The following KPNA5 variants were observed in gnomAD, a reference collection of about 807,000 sequenced individuals.
KPNA5 encodes the protein importin subunit alpha-6.
Under a neutral mutation model 71.3 loss-of-function variants are expected in KPNA5, and 46 were observed. The ratio of observed to expected loss-of-function variants is 0.65; its 90% CI spans 0.51 to 0.83. The LOEUF is 0.83. KPNA5 is among the 40% of genes least tolerant of loss of function. The probability of loss-of-function intolerance (pLI) is 0.00; values close to 1 mark genes in which losing one functional copy is unlikely to be tolerated. For synonymous variants in KPNA5, 207 were observed against 201.4 expected (o/e 1.03, Z -0.24); for missense variants, 547 against 628.3 (o/e 0.87, Z 1.38).
rs965039142 is a variant in KPNA5, at chr6:116,736,468, CT to C, written c.*4151del. 6.6e-6 allele frequency: 1 copy of C among 151,904 alleles called. No individual in the cohort carries two copies. The highest frequency in any genetic ancestry group is 1.9e-4 in the East Asian group (1 of 5,192). The allele number at this position is 151,904 out of a possible 1,614,324, so 9.4% of individuals were successfully genotyped here. On this transcript the variant is annotated 3_prime_UTR_variant, in exon 14 of 14. Transcript: ENST00000368564. Reference sequence around the variant, plus strand: ...TGCCATCACCATAAGCAAAAGTTCACTTTTTTACTGGCACTAGCCATATTTC... The same window carrying C: ...TGCCATCACCATAAGCAAAAGTTCACTTTTTACTGGCACTAGCCATATTTC...
intron 1 of KPNA5, among the ~76,000 whole-genome samples, chr6:116,687,946 T>C (rs938930173): frequency 6.6e-5 from 10 of 152,196 alleles, no homozygotes; most frequent in Non-Finnish European, 1.2e-4. Flanking sequence ...ACAGCTGCAT[T>C]ATAGGAACCA....
At chr6:116,724,254 A>T (rs1207538003) in intron 9 of KPNA5, 43 bp from the exon 10 acceptor site, 1 of 1,340,782 alleles carries the variant, frequency 7.5e-7, no homozygotes, top group Non-Finnish European at 1.1e-6. Flanking sequence ...TGTAAATTTT[A>T]AATTCTTACT....
chr6:116,709,802 G>A (rs545261187), intron 7 of KPNA5, among the ~76,000 whole-genome samples: 132 of 149,772 alleles, frequency 8.8e-4, no homozygotes, highest in African/African-American at 2.0e-3. Flanking sequence ...GTCATGCTCT[G>A]TCGCCAGGCT....
chr6:116,689,695 G>T (rs1777720439), intron 2 of KPNA5, among the ~76,000 whole-genome samples: 1 of 152,080 alleles, frequency 6.6e-6, no homozygotes, highest in Non-Finnish European at 1.5e-5. Flanking sequence ...TTACCCTACT[G>T]CTAGGAAATT....
At chr6:116,709,820 A>G (rs1203939058) in intron 7 of KPNA5, among the ~76,000 whole-genome samples, 1 of 150,722 alleles carries the variant, frequency 6.6e-6, no homozygotes, top group Non-Finnish European at 1.5e-5. Flanking sequence ...GCTTGAGTAC[A>G]GTGGCATGAT....
intron 1 of KPNA5, among the ~76,000 whole-genome samples, chr6:116,684,268 C>G (rs1288392087): frequency 1.3e-5 from 2 of 152,056 alleles, no homozygotes; most frequent in Admixed American, 1.3e-4. Flanking sequence ...ATTGCTGAAT[C>G]TATTAAATAT....
intron 4 of KPNA5, among the ~76,000 whole-genome samples, chr6:116,695,122 T>A (rs1417197564): frequency 6.6e-6 from 1 of 152,080 alleles, no homozygotes; most frequent in Admixed American, 6.6e-5. Flanking sequence ...AGCTAATTTT[T>A]AGTAGAGTCA....
At chr6:116,725,346 A>G (rs908964940) in intron 10 of KPNA5, among the ~76,000 whole-genome samples, 1 of 152,226 alleles carries the variant, frequency 6.6e-6, no homozygotes, top group South Asian at 2.1e-4. Flanking sequence ...TTGATTCTAC[A>G]TGCTGTTTTT....
chr6:116,728,122 G>A (rs558229509), intron 12 of KPNA5, among the ~76,000 whole-genome samples: 94 of 151,466 alleles, frequency 6.2e-4, no homozygotes, highest in Non-Finnish European at 2.5e-4. Context: ...CTATCTCTTT[G>A]CTTTCATCAG....
intron 7 of KPNA5, among the ~76,000 whole-genome samples, chr6:116,710,288 C>T (rs745691233): frequency 2.6e-5 from 4 of 151,632 alleles, no homozygotes; most frequent in Admixed American, 6.6e-5. Context: ...ATGTATATTC[C>T]GAAGAAATAT....
rs148243844 is a variant in KPNA5, at chr6:116,716,737, A to G, written c.756+419A>G. ...TTGCCTCTAGAAATACAGATGATTAATTAATTCCCAGTTTAGTTGTATTGT... is the reference window on the plus strand; with the variant it reads ...TTGCCTCTAGAAATACAGATGATTAGTTAATTCCCAGTTTAGTTGTATTGT... On this transcript the variant is annotated intron_variant, in intron 8 of 13. Transcript: ENST00000368564. Among the ~76,000 whole-genome samples, 345 of 152,312 alleles carry G rather than the reference A, an allele frequency of 2.3e-3. 2 individuals are homozygous for G. Among genetic ancestry groups the G allele is most frequent in the African/African-American group, 7.8e-3 (324 of 41,580 alleles).
Position 116,689,336 on chromosome 6 carries a change from A to G in KPNA5, c.21A>G (p.Pro7=), listed in dbSNP as rs145225593. 5.0e-4 allele frequency: 810 copies of G among 1,604,020 alleles called. 4 individuals are homozygous for G. Among genetic ancestry groups the G allele is most frequent in the Middle Eastern group, 5.0e-4 (3 of 6,034 alleles). The change falls in exon 2 of 14, where the codon CCA becomes CCG. Residue 7 remains proline (P), a synonymous_variant. Coordinates refer to ENST00000368564, the MANE Select transcript of KPNA5 (RefSeq NM_001366306.2). ...TCCTTTAAGATGCCATGGCTAGTCC[A>G]GGGAAAGATAACTATAGAATGAAAA... MDAMAS[P]GKDNYRMKSY...
intron 7 of KPNA5, among the ~76,000 whole-genome samples, chr6:116,713,516 T>C (rs1778780027): frequency 6.6e-6 from 1 of 152,226 alleles, no homozygotes; most frequent in Non-Finnish European, 1.5e-5. Flanking sequence ...ACTTGTGTCT[T>C]GGTATGTGTC....
In KPNA5 at chr6:116,735,300, C is replaced by G. The variant is rs1196787944; in HGVS notation, c.*2977C>G. 1 of 151,618 alleles carries G rather than the reference C, an allele frequency of 6.6e-6. No homozygotes were observed. The highest frequency in any genetic ancestry group is 6.6e-5 in the Admixed American group (1 of 15,158). 9.4% of individuals were successfully genotyped at this position (151,618 alleles called of 1,614,324 possible). ...TACCTTTGCCTTTATATTTTTTCTT[C>G]TTTTAAGAAGGAGCATTATGGAAAA... is the stretch of plus-strand genomic sequence containing the variant. On this transcript the variant is annotated 3_prime_UTR_variant, in exon 14 of 14. Coordinates refer to ENST00000368564, the MANE Select transcript of KPNA5 (RefSeq NM_001366306.2).
chr6:116,732,325 T>A lies in KPNA5; in HGVS notation c.*2T>A, dbSNP rs760758137. The A allele has an allele frequency of 6.8e-7, 1 of 1,480,942 alleles. No homozygotes were observed. The highest frequency in any genetic ancestry group is 1.4e-5 in the African/African-American group (1 of 69,462). The allele number at this position is 1,480,942 out of a possible 1,614,324, so 91.7% of individuals were successfully genotyped here. On this transcript the variant is annotated 3_prime_UTR_variant, in exon 14 of 14. Coordinates refer to ENST00000368564, the MANE Select transcript of KPNA5 (RefSeq NM_001366306.2). ...CCAATGGATGGATTTCAACTTTAAC[T>A]TACTGGAGGAAAAAAAATTTATGGC...
intron 10 of KPNA5, 95 bp from the exon 11 acceptor site, chr6:116,725,656 A>G: frequency 9.0e-7 from 1 of 1,114,416 alleles, no homozygotes; most frequent in Non-Finnish European, 1.2e-6. Context: ...TTCACTTTCT[A>G]GAATGGGTTT....
chr6:116,719,468 G>A (rs1779024535), intron 8 of KPNA5, among the ~76,000 whole-genome samples: 1 of 152,148 alleles, frequency 6.6e-6, no homozygotes, highest in African/African-American at 2.4e-5. Flanking sequence ...AGACCATTCA[G>A]TTTTTTTAGA....
chr6:116,720,402 CT>C (rs754684921), intron 8 of KPNA5, among the ~76,000 whole-genome samples: 47 of 144,540 alleles, frequency 3.3e-4, no homozygotes, highest in Middle Eastern at 3.7e-3. Flanking sequence ...ATTTCTGTTT[CT>C]TTTTTTTTTT....
At chr6:116,720,766 C>G (rs956757521) in intron 8 of KPNA5, among the ~76,000 whole-genome samples, 11 of 152,064 alleles carry the variant, frequency 7.2e-5, no homozygotes, top group Admixed American at 3.3e-4. Context: ...ATTGCTTGAG[C>G]CCAGGAAGCA....
Sources: allele counts gnomAD v4.1 joint callset (sites outside exome capture counted in the v4.1 genomes callset), GRCh38; gene constraint gnomAD v4.1.1; transcripts MANE v1.5; gene names NCBI Gene and HGNC (gene_info 2026-07-23, HGNC 2026-07-21).